Variants in FRAS1 observed in about 807,000 individuals in gnomAD.
The protein encoded by FRAS1 is extracellular matrix organizing protein FRAS1.
Under a neutral mutation model 435.2 loss-of-function variants are expected in FRAS1, and 290 were observed. That is an observed-to-expected ratio of 0.67 (90% CI 0.61 to 0.73). The LOEUF is 0.73. Ranked by LOEUF, FRAS1 falls within the 30% of genes least tolerant of loss-of-function variation. The probability of loss-of-function intolerance (pLI) is 0.00; values close to 1 mark genes in which losing one functional copy is unlikely to be tolerated. For synonymous variants in FRAS1, 1,800 were observed against 1,851.0 expected (o/e 0.97, Z 0.71); for missense variants, 4,860 against 5,001.5 (o/e 0.97, Z 0.85).
At chr4:78,478,828 C>G (rs911702864) in intron 55 of FRAS1, among the ~76,000 whole-genome samples, 1 of 152,212 alleles carries the variant, frequency 6.6e-6, no homozygotes, top group African/African-American at 2.4e-5. Context: ...ATTGATTGCT[C>G]TGGGCCACCA....
intron 1 of FRAS1, among the ~76,000 whole-genome samples, chr4:78,062,593 C>T (rs888944690): frequency 1.4e-4 from 22 of 152,152 alleles, no homozygotes; most frequent in African/African-American, 4.3e-4. Context: ...AGTTTACCAA[C>T]GGTTTCAGAA....
At chr4:78,419,974 C>T (rs896602171) in intron 33 of FRAS1, among the ~76,000 whole-genome samples, 1 of 152,180 alleles carries the variant, frequency 6.6e-6, no homozygotes, top group Non-Finnish European at 1.5e-5. Flanking sequence ...CACCTGTGAT[C>T]CAGTCACCTC....
intron 15 of FRAS1, among the ~76,000 whole-genome samples, chr4:78,312,396 A>G (rs1471313808): frequency 1.3e-5 from 2 of 152,046 alleles, no homozygotes; most frequent in African/African-American, 4.8e-5. Context: ...TTGTACCACT[A>G]TCAAACTTTT....
chr4:78,461,274 T>C (rs1234005338), intron 47 of FRAS1, among the ~76,000 whole-genome samples: 1 of 152,220 alleles, frequency 6.6e-6, no homozygotes, highest in Non-Finnish European at 1.5e-5. Context: ...ATTACTTTCA[T>C]ATTGAAAAAA....
intron 2 of FRAS1, among the ~76,000 whole-genome samples, chr4:78,182,965 TGA>T (rs1479646417): frequency 6.8e-6 from 1 of 147,120 alleles, no homozygotes; most frequent in Non-Finnish European, 1.5e-5. Context: ...TGAGAATGGA[TGA>T]GAGAGGGAGA....
At chr4:78,319,285 A>T in intron 18 of FRAS1, 1 of 523,396 alleles carries the variant, frequency 1.9e-6, no homozygotes, top group Admixed American at 2.3e-5. Context: ...GTTACAAAAG[A>T]CTCAGAGCTC....
At chr4:78,285,392 A>G (rs998495535) in intron 13 of FRAS1, among the ~76,000 whole-genome samples, 8 of 150,900 alleles carry the variant, frequency 5.3e-5, no homozygotes, top group Admixed American at 4.6e-4. Flanking sequence ...GTGTAGGTTC[A>G]TACCTGGCTG....
intron 9 of FRAS1, among the ~76,000 whole-genome samples, chr4:78,277,836 C>T (rs1285482691): frequency 2.4e-4 from 36 of 150,462 alleles, no homozygotes; most frequent in East Asian, 5.8e-4. Context: ...TTTTTTGAGA[C>T]GGAGTCTCAC....
chr4:78,492,871 A>G (rs1201973207), intron 59 of FRAS1, among the ~76,000 whole-genome samples: 1 of 152,228 alleles, frequency 6.6e-6, no homozygotes, highest in Non-Finnish European at 1.5e-5. Context: ...TGAACAGGCA[A>G]CCTACAGAAT....
chr4:78,448,437 C>G (rs918605039), intron 44 of FRAS1, 121 bp downstream of exon 44: 4 of 899,022 alleles, frequency 4.4e-6, no homozygotes, highest in Non-Finnish European at 6.4e-6. Flanking sequence ...CTGTTCCATA[C>G]TTGGGGAGAT....
chr4:78,309,653 C>T (rs1239571146), intron 15 of FRAS1, among the ~76,000 whole-genome samples: 1 of 145,310 alleles, frequency 6.9e-6, no homozygotes, highest in Non-Finnish European at 1.5e-5. Flanking sequence ...CCTTATGCAC[C>T]TCTGCCTATT....
chr4:78,469,837 G>C, intron 50 of FRAS1, 141 bp from the exon 51 acceptor site: 1 of 681,530 alleles, frequency 1.5e-6, no homozygotes, highest in Non-Finnish European at 2.7e-6. Flanking sequence ...AGGATGATAA[G>C]GGATGGGAAC....
At chr4:78,476,098 A>T (rs1017179492) in intron 54 of FRAS1, among the ~76,000 whole-genome samples, 4 of 152,208 alleles carry the variant, frequency 2.6e-5, no homozygotes, top group Non-Finnish European at 5.9e-5. Context: ...CAGTGGATTG[A>T]TTAGACAGTG....
At chr4:78,373,911 T>C (rs991212699) in intron 24 of FRAS1, among the ~76,000 whole-genome samples, 200 bp from the exon 25 acceptor site, 1 of 152,026 alleles carries the variant, frequency 6.6e-6, no homozygotes, top group Admixed American at 6.6e-5. Context: ...CTCAGTGAGG[T>C]AGAGTGACTA....
intron 22 of FRAS1, among the ~76,000 whole-genome samples, chr4:78,369,134 G>A (rs1253296976): frequency 1.3e-5 from 2 of 152,186 alleles, no homozygotes; most frequent in Non-Finnish European, 2.9e-5. Context: ...AAAAAGTTCT[G>A]AGAGTTATAT....
rs776997863 is a variant in FRAS1, at chr4:78,416,550, C to G, written c.4426-2399C>G. On this transcript the variant is annotated intron_variant, in intron 32 of 73. Coordinates refer to ENST00000512123, the MANE Select transcript of FRAS1 (RefSeq NM_025074.7). ...TGTCTGAGGATATAGAGGTACCATTCCTCAAGATCAGGAATGTACAAGGAC... is the reference window on the plus strand; with the variant it reads ...TGTCTGAGGATATAGAGGTACCATTGCTCAAGATCAGGAATGTACAAGGAC... Among the ~76,000 whole-genome samples the G allele has an allele frequency of 3.0e-4, 46 of 151,662 alleles. 1 individual carries two copies. Among genetic ancestry groups the G allele is most frequent in the Non-Finnish European group, 3.5e-4 (24 of 67,978 alleles).
At chr4:78,204,577 A>T (rs997703329) in intron 2 of FRAS1, among the ~76,000 whole-genome samples, 1 of 152,218 alleles carries the variant, frequency 6.6e-6, no homozygotes, top group Admixed American at 6.5e-5. Context: ...TCAAGAACCA[A>T]TGTGAGTGTC....
chr4:78,267,365 T>C lies in FRAS1; in HGVS notation c.914T>C (p.Phe305Ser). ...DEMWKGSACE[F>S]CMCDHGQVTC... Reference sequence around the variant, plus strand: ...ATGTGGAAGGGCTCGGCCTGTGAGTTCTGCATGTGTGATCATGGCCAAGTG... The same window carrying C: ...ATGTGGAAGGGCTCGGCCTGTGAGTCCTGCATGTGTGATCATGGCCAAGTG... Residue 305 changes from phenylalanine to serine, a missense_variant, in exon 9 of 74, where the codon TTC (phenylalanine) becomes TCC (serine). Physicochemically the swap from Phe to Ser is radical, Grantham distance 155 (BLOSUM62 -2). Coordinates refer to ENST00000512123, the MANE Select transcript of FRAS1 (RefSeq NM_025074.7). The C allele has an allele frequency of 3.1e-6, 5 of 1,613,934 alleles. No homozygotes were observed. Among genetic ancestry groups the C allele is most frequent in the Non-Finnish European group, 4.2e-6 (5 of 1,179,884 alleles).
intron 2 of FRAS1, chr4:78,072,216 A>C (rs377463489): frequency 6.6e-6 from 1 of 152,184 alleles, no homozygotes; most frequent in African/African-American, 2.4e-5. Flanking sequence ...CTTCTGGTCT[A>C]ATCTGTAGAC....
Sources: allele counts gnomAD v4.1 joint callset (sites outside exome capture counted in the v4.1 genomes callset), GRCh38; gene constraint gnomAD v4.1.1; transcripts MANE v1.5; gene names NCBI Gene and HGNC (gene_info 2026-07-23, HGNC 2026-07-21).